Variants in ACOXL observed in about 807,000 individuals in gnomAD.
ACOXL encodes the protein acyl-coenzyme A oxidase-like protein.
Under a neutral mutation model 71.9 loss-of-function variants are expected in ACOXL, and 70 were observed. That is an observed-to-expected ratio of 0.97 (90% CI 0.80 to 1.19). The LOEUF (loss-of-function observed/expected upper bound fraction) is 1.19, where lower values mean the gene tolerates loss of function less well. Among genes scored for constraint, ACOXL ranks in the 50% most tolerant of loss-of-function variants. The pLI is 0.00. For missense variants in ACOXL, 703 were observed against 736.3 expected (o/e 0.95, Z 0.52); for synonymous variants, 253 against 281.6 (o/e 0.90, Z 1.02).
At chr2:111,046,742 G>A (rs896045370) in intron 15 of ACOXL, among the ~76,000 whole-genome samples, 2 of 152,250 alleles carry the variant, frequency 1.3e-5, no homozygotes, top group Non-Finnish European at 2.9e-5. Flanking sequence ...AGATTTGAGT[G>A]GGGATACAAC....
intron 9 of ACOXL, among the ~76,000 whole-genome samples, chr2:110,817,073 C>T (rs1688001991): frequency 1.3e-5 from 2 of 152,230 alleles, no homozygotes; most frequent in African/African-American, 4.8e-5. Flanking sequence ...CAGTGCGAGG[C>T]ACACAGGGGG....
intron 10 of ACOXL, among the ~76,000 whole-genome samples, chr2:110,870,176 G>GTGC (rs896239243): frequency 7.9e-5 from 12 of 152,188 alleles, no homozygotes; most frequent in African/African-American, 2.2e-4. Context: ...CCCACCTGAG[G>GTGC]TGCTTCAAGG....
intron 6 of ACOXL, 101 bp downstream of exon 6, chr2:110,798,825 A>C: frequency 1.6e-6 from 2 of 1,242,316 alleles, no homozygotes; most frequent in Non-Finnish European, 2.3e-6. Context: ...TAAATAATTC[A>C]GTACTAACTT....
intron 11 of ACOXL, among the ~76,000 whole-genome samples, chr2:110,909,430 G>C (rs940856500): frequency 6.6e-6 from 1 of 152,038 alleles, no homozygotes; most frequent in African/African-American, 2.4e-5. Context: ...CTCCCCAAGT[G>C]CTAGGCCATT....
rs955322483 is a variant in ACOXL at position 110,824,697 on chromosome 2, A to G, written c.754-16674A>G. Among the ~76,000 whole-genome samples the G allele has an allele frequency of 2.0e-5, 3 of 152,128 alleles. No homozygotes were observed. In the South Asian group the frequency reaches 6.2e-4, roughly 32 times the overall value. Reference sequence around the variant, plus strand: ...TGTTTTTATCTTCCATTTCTCTGCTAAGATTCCCTATATTTTCATTAATTA... The same window carrying G: ...TGTTTTTATCTTCCATTTCTCTGCTGAGATTCCCTATATTTTCATTAATTA... On this transcript the variant is annotated intron_variant, in intron 9 of 17. Coordinates refer to ENST00000439055, the MANE Select transcript of ACOXL (RefSeq NM_001142807.4).
chr2:110,809,561 G>A (rs186474699), intron 9 of ACOXL, among the ~76,000 whole-genome samples: 171 of 152,314 alleles, frequency 1.1e-3, no homozygotes, highest in Non-Finnish European at 1.7e-3. Flanking sequence ...CTGGCTTCAG[G>A]GGATTCTCAG....
intron 11 of ACOXL, among the ~76,000 whole-genome samples, chr2:110,915,426 A>ATTT (rs1183914057): frequency 1.4e-4 from 11 of 80,212 alleles, no homozygotes; most frequent in East Asian, 4.0e-4. Flanking sequence ...ATATATATAT[A>ATTT]TATTTTTTTT....
intron 10 of ACOXL, among the ~76,000 whole-genome samples, chr2:110,885,669 A>G (rs1424334508): frequency 1.3e-5 from 2 of 152,202 alleles, no homozygotes; most frequent in African/African-American, 4.8e-5. Flanking sequence ...TATGTACATA[A>G]AAATGTTCAA....
intron 10 of ACOXL, among the ~76,000 whole-genome samples, chr2:110,877,368 C>T (rs1393106537): frequency 1.3e-5 from 2 of 152,250 alleles, no homozygotes; most frequent in South Asian, 2.1e-4. Context: ...TCACCAACAG[C>T]AGACCAAGCT....
At chr2:111,115,123 A>G (rs2070255293) in intron 17 of ACOXL, among the ~76,000 whole-genome samples, 1 of 152,178 alleles carries the variant, frequency 6.6e-6, no homozygotes, top group East Asian at 1.9e-4. Context: ...TGTCTTTTTC[A>G]AAAGCTGGTG....
intron 16 of ACOXL, among the ~76,000 whole-genome samples, chr2:111,082,950 C>T (rs186860619): frequency 6.6e-6 from 1 of 152,142 alleles, no homozygotes; most frequent in Non-Finnish European, 1.5e-5. Context: ...AACCAAACAT[C>T]ACATGTTCTC....
rs1444102306 is a variant in ACOXL, at chr2:111,083,204, C to T, written c.1441-9661C>T. Among the ~76,000 whole-genome samples the T allele has an allele frequency of 3.3e-5, 5 of 152,062 alleles. No homozygotes were observed. The East Asian group carries it at 9.6e-4, about 29-fold the overall frequency. ...TAATAATTAAAAAAAAGAATTGATT[C>T]CAACCCTTACTCTATCATTTAACTT... On this transcript the variant is annotated intron_variant, in intron 16 of 17. Transcript: ENST00000439055.
chr2:110,798,571 T>C (rs1386868517), intron 5 of ACOXL, 39 bp from the exon 6 acceptor site: 6 of 1,535,168 alleles, frequency 3.9e-6, no homozygotes, highest in East Asian at 4.5e-5. Flanking sequence ...AAATGAGCCA[T>C]GGGAAGGGAA....
chr2:110,928,697 C>A (rs926637006), intron 11 of ACOXL, among the ~76,000 whole-genome samples: 1 of 152,134 alleles, frequency 6.6e-6, no homozygotes, highest in Non-Finnish European at 1.5e-5. Flanking sequence ...TTGGCTGTGT[C>A]CCCACTCAAA....
intron 9 of ACOXL, among the ~76,000 whole-genome samples, chr2:110,813,279 G>A (rs1687554075): frequency 6.6e-6 from 1 of 152,190 alleles, no homozygotes; most frequent in Non-Finnish European, 1.5e-5. Flanking sequence ...CTTTAAGTAA[G>A]TCATCAGAGG....
At chr2:110,743,570 C>T (rs971685875) in intron 1 of ACOXL, among the ~76,000 whole-genome samples, 10 of 152,072 alleles carry the variant, frequency 6.6e-5, no homozygotes, top group African/African-American at 2.2e-4. Flanking sequence ...GGAGGAGGGC[C>T]GGGTGGAGGT....
chr2:111,112,545 G>A (rs557755634), intron 17 of ACOXL, among the ~76,000 whole-genome samples: 163 of 152,356 alleles, frequency 1.1e-3, no homozygotes, highest in Non-Finnish European at 1.9e-3. Flanking sequence ...TTTGTCTAAA[G>A]GGAAAGCAAT....
intron 12 of ACOXL, among the ~76,000 whole-genome samples, chr2:110,977,214 G>A (rs542515302): frequency 3.3e-5 from 5 of 151,928 alleles, no homozygotes; most frequent in Admixed American, 6.6e-5. Flanking sequence ...GTGAAACCCC[G>A]TCTCTACTAA....
At chr2:111,117,078 T>C (rs1047061110) in intron 17 of ACOXL, among the ~76,000 whole-genome samples, 2 of 152,206 alleles carry the variant, frequency 1.3e-5, no homozygotes, top group Non-Finnish European at 2.9e-5. Flanking sequence ...TCAAGAATCA[T>C]GGCCTACTGC....
Sources: gnomAD v4.1 joint callset for allele counts (sites outside exome capture counted in the v4.1 genomes callset) on GRCh38, gnomAD v4.1.1 for gene constraint, MANE v1.5 for transcripts, NCBI Gene and HGNC (gene_info 2026-07-23, HGNC 2026-07-21) for gene names.